Variants in H2BK1 observed in about 807,000 individuals in gnomAD.
H2BK1 encodes H2B.K variant histone 1, also known as histone H2B type 2-K1.
the H2BK1 span, chr7:151,207,969 C>A: frequency 7.0e-7 from 1 of 1,434,438 alleles, no homozygotes; most frequent in Non-Finnish European, 9.8e-7. Context: ...GCCGTCTGGA[C>A]TTCTCGGGAT....
At chr7:151,209,888 GAA>G in the H2BK1 span, among the ~76,000 whole-genome samples, 1 of 152,244 alleles carries the variant, frequency 6.6e-6, no homozygotes, top group Non-Finnish European at 1.5e-5. Flanking sequence ...GCCTGGCATA[GAA>G]AGTGTGGTCC....
the H2BK1 span, chr7:151,207,974 C>T: frequency 2.2e-4 from 327 of 1,455,784 alleles, no homozygotes; most frequent in Non-Finnish European, 2.7e-4. Context: ...CTGGACTTCT[C>T]GGGATGTCAG....
chr7:151,210,331 C>T, the H2BK1 span: 30 of 396,180 alleles, frequency 7.6e-5, 1 homozygote, highest in African/African-American at 4.7e-4. Context: ...TCCTGCTTCT[C>T]GAATAGCCCT....
chr7:151,210,108 A>G, the H2BK1 span: 76,183 of 396,380 alleles, frequency 0.19, 7,917 homozygotes, highest in Non-Finnish European at 0.22. Flanking sequence ...ACTAACCTCA[A>G]GGTCCCCACT....
the H2BK1 span, among the ~76,000 whole-genome samples, chr7:151,208,539 T>C: frequency 6.6e-6 from 1 of 152,224 alleles, no homozygotes; most frequent in African/African-American, 2.4e-5. Context: ...TTTTGTTGTT[T>C]TTGCTATTAG....
the H2BK1 span, chr7:151,210,239 C>T: frequency 9.5e-5 from 38 of 399,138 alleles, no homozygotes; most frequent in South Asian, 2.5e-4. Flanking sequence ...GCGCCGACAG[C>T]GCTTTTTGGA....
chr7:151,207,998 G>A, the H2BK1 span: 283 of 1,553,598 alleles, frequency 1.8e-4, no homozygotes, highest in Non-Finnish European at 2.3e-4. Flanking sequence ...GGTCCGGCCC[G>A]AGTACTGGGC....
At chr7:151,208,202 T>C in the H2BK1 span, 4 of 1,313,562 alleles carry the variant, frequency 3.0e-6, no homozygotes, top group African/African-American at 2.9e-5. Context: ...CTGGGGGCTC[T>C]AGGAAGCCAG....
At chr7:151,209,110 T>C in the H2BK1 span, among the ~76,000 whole-genome samples, 2 of 152,078 alleles carry the variant, frequency 1.3e-5, no homozygotes, top group African/African-American at 4.8e-5. Context: ...GGTTGAGGGG[T>C]TGGCCCTCAG....
the H2BK1 span, chr7:151,207,997 C>T: frequency 6.4e-5 from 100 of 1,562,330 alleles, no homozygotes; most frequent in East Asian, 9.0e-4. Flanking sequence ...TGGTCCGGCC[C>T]GAGTACTGGG....
chr7:151,208,189 G>A, the H2BK1 span: 1 of 1,439,322 alleles, frequency 6.9e-7, no homozygotes, highest in East Asian at 2.3e-5. Context: ...CCTCAGCCCT[G>A]AGCTGGGGGC....
At chr7:151,210,352 C>T in the H2BK1 span, 1 of 379,608 alleles carries the variant, frequency 2.6e-6, no homozygotes, top group Middle Eastern at 6.8e-4. Flanking sequence ...CACCCACCCC[C>T]TTGGAGCTAC....
At chr7:151,208,254 G>A in the H2BK1 span, 2 of 694,560 alleles carry the variant, frequency 2.9e-6, no homozygotes, top group Non-Finnish European at 5.0e-6. Flanking sequence ...CCTTCCCAGA[G>A]GCCAACAGTC....
chr7:151,208,934 T>C, the H2BK1 span, among the ~76,000 whole-genome samples: 2 of 152,150 alleles, frequency 1.3e-5, no homozygotes, highest in African/African-American at 4.8e-5. Context: ...GAGTCAGAGA[T>C]GAAAACAGCA....
At chr7:151,209,283 A>G in the H2BK1 span, among the ~76,000 whole-genome samples, 53 of 151,978 alleles carry the variant, frequency 3.5e-4, 1 homozygote, top group Non-Finnish European at 7.1e-4. Flanking sequence ...GCCAACCCAT[A>G]TCAGTGCTGG....
chr7:151,208,085 G>A, the H2BK1 span: 10 of 1,614,100 alleles, frequency 6.2e-6, no homozygotes, highest in Admixed American at 1.7e-4. Flanking sequence ...GGCCTTGGCA[G>A]AGATGCCAAT....
the H2BK1 span, among the ~76,000 whole-genome samples, chr7:151,209,667 A>C: frequency 1.3e-5 from 2 of 152,130 alleles, no homozygotes; most frequent in Non-Finnish European, 2.9e-5. Flanking sequence ...GGACACTGCC[A>C]CTGTCAGGCC....
chr7:151,208,826 C>T, the H2BK1 span, among the ~76,000 whole-genome samples: 6 of 152,182 alleles, frequency 3.9e-5, no homozygotes, highest in Non-Finnish European at 5.9e-5. Flanking sequence ...GTGATCTCTA[C>T]TAAAGCAAAT....
chr7:151,207,967 G>T, the H2BK1 span: 1 of 1,416,548 alleles, frequency 7.1e-7, no homozygotes, highest in Non-Finnish European at 1.0e-6. Flanking sequence ...CAGCCGTCTG[G>T]ACTTCTCGGG....
Sources: allele counts gnomAD v4.1 joint callset (sites outside exome capture counted in the v4.1 genomes callset), GRCh38; gene constraint gnomAD v4.1.1; transcripts MANE v1.5; gene names NCBI Gene and HGNC (gene_info 2026-07-23, HGNC 2026-07-21).